Variants in TLK2 observed in about 807,000 individuals in gnomAD.
TLK2 encodes tousled like kinase 2.
TLK2 carries 6 observed loss-of-function variants against 117.3 expected under a neutral mutation model. The observed-to-expected ratio is 0.05, with a 90% CI of 0.03 to 0.10. The LOEUF (loss-of-function observed/expected upper bound fraction) is 0.10. Ranked by LOEUF, TLK2 falls within the 10% of genes least tolerant of loss-of-function variation. The probability of loss-of-function intolerance (pLI) is 1.00; values close to 1 mark genes in which losing one functional copy is unlikely to be tolerated. For missense variants in TLK2, 299 were observed against 901.2 expected, an observed-to-expected ratio of 0.33 and a Z score of 8.56; for synonymous variants, 257 against 316.7, an observed-to-expected ratio of 0.81 and a Z score of 2.00.
chr17:62,586,607 G>A (rs139630601), intron 16 of TLK2, among the ~76,000 whole-genome samples: 1,890 of 152,198 alleles, frequency 0.012, 32 homozygotes, highest in African/African-American at 0.043. Flanking sequence ...AGATCACGAA[G>A]TCAGGAGATC....
chr17:62,490,521 A>G (rs2035710806), intron 2 of TLK2, among the ~76,000 whole-genome samples: 1 of 151,958 alleles, frequency 6.6e-6, no homozygotes, highest in African/African-American at 2.4e-5. Context: ...CTTAAATTAT[A>G]GCTTAATTTC....
chr17:62,535,959 A>C (rs573512581), intron 6 of TLK2, among the ~76,000 whole-genome samples: 1 of 152,174 alleles, frequency 6.6e-6, no homozygotes, highest in African/African-American at 2.4e-5. Context: ...TTAAAATATA[A>C]TGTCAAAGAA....
intron 16 of TLK2, among the ~76,000 whole-genome samples, chr17:62,595,382 TATTATC>T (rs1339508202): frequency 1.3e-5 from 2 of 151,978 alleles, no homozygotes; most frequent in East Asian, 3.9e-4. Context: ...TGTATTCATT[TATTATC>T]ATTATCAAGT....
chr17:62,550,757 G>C (rs1156387237), intron 7 of TLK2: 1 of 152,224 alleles, frequency 6.6e-6, no homozygotes, highest in Non-Finnish European at 1.5e-5. Context: ...CTAGCTCTGT[G>C]AACTCACATA....
intron 19 of TLK2, among the ~76,000 whole-genome samples, chr17:62,604,864 GTC>G (rs1036278600): frequency 6.6e-6 from 1 of 150,552 alleles, no homozygotes; most frequent in Non-Finnish European, 1.5e-5. Context: ...GCGAGACTCT[GTC>G]TCAAAAAAAA....
chr17:62,506,476 T>G (rs1488686889), intron 2 of TLK2, among the ~76,000 whole-genome samples: 2 of 152,244 alleles, frequency 1.3e-5, no homozygotes, highest in Non-Finnish European at 2.9e-5. Flanking sequence ...GTAGGAATTT[T>G]GTTATACAGT....
At chr17:62,526,298 C>T (rs2145638996) in intron 6 of TLK2, among the ~76,000 whole-genome samples, 1 of 152,334 alleles carries the variant, frequency 6.6e-6, no homozygotes, top group Non-Finnish European at 1.5e-5. Flanking sequence ...TCACTGCCTG[C>T]CAGTCCTACT....
intron 9 of TLK2, among the ~76,000 whole-genome samples, chr17:62,559,367 A>T (rs536578737): frequency 1.4e-3 from 211 of 148,144 alleles, no homozygotes; most frequent in African/African-American, 4.8e-3. Flanking sequence ...ATTGTAGTTT[A>T]TTTTTTTTTT....
rs1051211933 is a variant in TLK2, at chr17:62,490,926, G to A, written c.81+9720G>A. 8.5e-5 allele frequency among the ~76,000 whole-genome samples: 13 copies of A among 152,108 alleles called. No homozygotes were observed. The South Asian group carries it at 2.1e-3, about 24-fold the overall frequency. Reference sequence around the variant, plus strand: ...TTTTATTTTTAAATTTTAACTTTTAGCGACAGGACTTCATCCCCAGGCTGG... The same window carrying A: ...TTTTATTTTTAAATTTTAACTTTTAACGACAGGACTTCATCCCCAGGCTGG... On this transcript the variant is annotated intron_variant, in intron 2 of 21. Coordinates refer to ENST00000346027, the MANE Select transcript of TLK2 (RefSeq NM_006852.6).
chr17:62,578,195 G>A (rs527361554), intron 13 of TLK2, among the ~76,000 whole-genome samples: 114 of 152,270 alleles, frequency 7.5e-4, no homozygotes, highest in Non-Finnish European at 1.3e-3. Flanking sequence ...ACTTATGTAA[G>A]AAACTTAATA....
At chr17:62,585,042 A>T (rs995513864) in intron 15 of TLK2, among the ~76,000 whole-genome samples, 5 of 152,242 alleles carry the variant, frequency 3.3e-5, no homozygotes, top group African/African-American at 4.8e-5. Flanking sequence ...TCTTCAATTG[A>T]ATTGAAAGAT....
intron 16 of TLK2, 40 bp downstream of exon 16, chr17:62,586,266 A>C: frequency 7.1e-7 from 1 of 1,412,182 alleles, no homozygotes; most frequent in Non-Finnish European, 1.0e-6. Flanking sequence ...AAAATTAAAT[A>C]ATACCTGTAG....
intron 2 of TLK2, among the ~76,000 whole-genome samples, chr17:62,489,173 A>ATG (rs1598155332): frequency 2.9e-5 from 2 of 69,042 alleles, no homozygotes; most frequent in East Asian, 1.3e-3. Flanking sequence ...ATTTAATTGT[A>ATG]CGTGTGTGTG....
At chr17:62,538,039 T>TTG (rs1021724706) in intron 7 of TLK2, among the ~76,000 whole-genome samples, 1 of 143,420 alleles carries the variant, frequency 7.0e-6, no homozygotes, top group African/African-American at 2.6e-5. Context: ...CTTTGTTTTT[T>TTG]TTTTTTTTTT....
intron 2 of TLK2, chr17:62,516,198 T>G (rs1483262331): frequency 6.5e-6 from 4 of 618,900 alleles, no homozygotes; most frequent in Non-Finnish European, 1.1e-5. Context: ...GTGCTGGGAT[T>G]ACAGGCATGA....
At chr17:62,576,627 AT>A (rs1385192487) in intron 12 of TLK2, 81 bp from the exon 13 acceptor site, 1 of 1,025,636 alleles carries the variant, frequency 9.8e-7, no homozygotes, top group Non-Finnish European at 1.5e-6. Context: ...AATATGTCTT[AT>A]AGTATATTTG....
intron 21 of TLK2, among the ~76,000 whole-genome samples, chr17:62,611,036 G>A (rs936619565): frequency 6.6e-6 from 1 of 152,184 alleles, no homozygotes; most frequent in Non-Finnish European, 1.5e-5. Flanking sequence ...CTACTTGGGA[G>A]GCTGAGGTAG....
At chr17:62,478,372 G>C (rs1460566210), upstream of TLK2, among the ~76,000 whole-genome samples, 1 of 151,040 alleles carries the variant, frequency 6.6e-6, no homozygotes, top group East Asian at 1.9e-4. Flanking sequence ...ATCCGGGAAC[G>C]GGTGGACCCG....
intron 9 of TLK2, 71 bp from the exon 10 acceptor site, chr17:62,559,945 C>G: frequency 9.5e-7 from 1 of 1,053,630 alleles, no homozygotes; most frequent in Non-Finnish European, 1.3e-6. Flanking sequence ...ATTTTTTTTT[C>G]TCTCCCTAGA....
Sources: gnomAD v4.1 joint callset for allele counts (sites outside exome capture counted in the v4.1 genomes callset) on GRCh38, gnomAD v4.1.1 for gene constraint, MANE v1.5 for transcripts, NCBI Gene and HGNC (gene_info 2026-07-23, HGNC 2026-07-21) for gene names.